Variants in STAC observed in about 807,000 individuals in gnomAD.
STAC encodes SH3 and cysteine-rich domain-containing protein.
In STAC, 43 loss-of-function variants were observed where a neutral mutation model predicts 48.8. The observed-to-expected ratio is 0.88, with a 90% CI of 0.69 to 1.14. The LOEUF is 1.14. STAC is among the 50% of genes most tolerant of loss of function. The pLI, the probability that STAC is intolerant of heterozygous loss-of-function variation, is 0.00. For missense variants in STAC, 497 were observed against 504.0 expected (o/e 0.99, Z 0.13); for synonymous variants, 193 against 179.5 (o/e 1.07, Z -0.60).
At chr3:36,480,203 C>T (rs73827541) in intron 2 of STAC, among the ~76,000 whole-genome samples, 4,739 of 152,156 alleles carry the variant, frequency 0.031, 221 homozygotes, top group African/African-American at 0.11. Flanking sequence ...AATTTGAAAA[C>T]GAAAAGTAAG....
chr3:36,470,023 C>A (rs944618935), intron 2 of STAC, among the ~76,000 whole-genome samples: 5 of 152,078 alleles, frequency 3.3e-5, no homozygotes, highest in African/African-American at 1.2e-4. Flanking sequence ...TTCTCTGGTG[C>A]CTCCTTGATT....
At chr3:36,537,889 G>A (rs1699235365) in intron 10 of STAC, among the ~76,000 whole-genome samples, 1 of 151,412 alleles carries the variant, frequency 6.6e-6, no homozygotes, top group South Asian at 2.1e-4. Flanking sequence ...TTAAATTGAT[G>A]CATAGTTTTA....
At chr3:36,429,753 T>C (rs1700650517) in intron 1 of STAC, among the ~76,000 whole-genome samples, 1 of 152,214 alleles carries the variant, frequency 6.6e-6, no homozygotes, top group Non-Finnish European at 1.5e-5. Context: ...AACATTGTTA[T>C]CTGTTTCACT....
intron 2 of STAC, among the ~76,000 whole-genome samples, chr3:36,451,381 C>T (rs1157168080): frequency 6.6e-6 from 1 of 152,122 alleles, no homozygotes; most frequent in African/African-American, 2.4e-5. Flanking sequence ...AACAGTATTT[C>T]TCCTTCCTGT....
chr3:36,391,590 T>G (rs2125616772), intron 1 of STAC, among the ~76,000 whole-genome samples: 1 of 152,316 alleles, frequency 6.6e-6, no homozygotes, highest in African/African-American at 2.4e-5. Flanking sequence ...GTTGTTAATT[T>G]GTTTTTTCTC....
Position 36,532,834 on chromosome 3 carries a change from TTG to T in STAC, c.1110+3851_1110+3852del, listed in dbSNP as rs200694146. On this transcript the variant is annotated intron_variant, in intron 10 of 10. Transcript: ENST00000273183. ...GAACAAATTAATACTGTCTTAAACA[TTG>T]TCACAATAATAATTGTTATAAGAAT... 3.8e-3 allele frequency among the ~76,000 whole-genome samples: 573 copies of T among 152,308 alleles called. 5 individuals are homozygous for T. The highest frequency in any genetic ancestry group is 0.013 in the African/African-American group (525 of 41,566).
intron 2 of STAC, among the ~76,000 whole-genome samples, chr3:36,474,202 C>G (rs537523103): frequency 6.6e-6 from 1 of 152,080 alleles, no homozygotes; most frequent in African/African-American, 2.4e-5. Context: ...CTATGAGACC[C>G]CATATGTAAC....
At chr3:36,485,517 A>C (rs1697781400) in intron 4 of STAC, among the ~76,000 whole-genome samples, 1 of 152,354 alleles carries the variant, frequency 6.6e-6, no homozygotes, top group Admixed American at 6.5e-5. Flanking sequence ...GTAGGAGCTC[A>C]GTGAATATAT....
At chr3:36,412,980 C>T (rs1001163866) in intron 1 of STAC, among the ~76,000 whole-genome samples, 5 of 152,068 alleles carry the variant, frequency 3.3e-5, no homozygotes, top group African/African-American at 1.2e-4. Flanking sequence ...TGTAGTTGAG[C>T]AGTTTTGAGT....
chr3:36,447,964 A>C (rs955989717), intron 2 of STAC, among the ~76,000 whole-genome samples: 1 of 152,118 alleles, frequency 6.6e-6, no homozygotes, highest in Non-Finnish European at 1.5e-5. Flanking sequence ...TTTCCATTTT[A>C]AAATGCAGCA....
chr3:36,510,859 T>C (rs1057222971), intron 8 of STAC, among the ~76,000 whole-genome samples: 5 of 152,060 alleles, frequency 3.3e-5, no homozygotes, highest in African/African-American at 1.2e-4. Flanking sequence ...CTAATGTAGA[T>C]GACGGGTTGA....
chr3:36,390,453 T>TTTTTTTTG (rs1699729146), intron 1 of STAC, among the ~76,000 whole-genome samples: 2 of 76,682 alleles, frequency 2.6e-5, no homozygotes, highest in African/African-American at 8.2e-5. Context: ...TTTCTTTTCT[T>TTTTTTTTG]TTTTTTTTTT....
At chr3:36,545,004 C>G (rs760414170) in intron 10 of STAC, among the ~76,000 whole-genome samples, 3 of 152,186 alleles carry the variant, frequency 2.0e-5, no homozygotes, top group Admixed American at 6.5e-5. Context: ...TATTCAAGCC[C>G]CTTCTTCTAC....
At chr3:36,492,023 AAAAAAAAAATATATATATAT>A (rs1385577736) in intron 5 of STAC, among the ~76,000 whole-genome samples, 1 of 25,002 alleles carries the variant, frequency 4.0e-5, no homozygotes, top group African/African-American at 1.0e-4. Context: ...AAAAAAAAAA[AAAAAAAAAATATATATATAT>A]ATATATATAT....
intron 1 of STAC, among the ~76,000 whole-genome samples, chr3:36,438,540 G>A (rs1696224487): frequency 6.6e-6 from 1 of 152,176 alleles, no homozygotes; most frequent in African/African-American, 2.4e-5. Context: ...TTGAGTTCAT[G>A]TCTGGGGCTT....
chr3:36,401,130 G>A lies in STAC; in HGVS notation c.111+20376G>A, dbSNP rs565352249. Among the ~76,000 whole-genome samples, 49 of 152,254 alleles carry A rather than the reference G, an allele frequency of 3.2e-4. No homozygotes were observed. The South Asian group carries it at 9.8e-3, about 30-fold the overall frequency. On this transcript the variant is annotated intron_variant, in intron 1 of 10. Coordinates refer to ENST00000273183, the MANE Select transcript of STAC (RefSeq NM_003149.3). ...ACTCAGGAGTCAAGCCTCTAAAAAT[G>A]TACCTATGTTTACATTTTGGAGTCA...
intron 1 of STAC, among the ~76,000 whole-genome samples, chr3:36,411,502 A>T (rs1434218106): frequency 6.6e-6 from 1 of 152,224 alleles, no homozygotes; most frequent in Non-Finnish European, 1.5e-5. Context: ...TGAGAAAATG[A>T]CCAGGATCAA....
At chr3:36,452,515 G>A (rs1304992112) in intron 2 of STAC, among the ~76,000 whole-genome samples, 1 of 152,118 alleles carries the variant, frequency 6.6e-6, no homozygotes, top group Admixed American at 6.5e-5. Context: ...CACTAAGCCC[G>A]GGACCTATTT....
intron 1 of STAC, among the ~76,000 whole-genome samples, chr3:36,387,929 C>G (rs540208331): frequency 1.3e-5 from 2 of 152,014 alleles, no homozygotes; most frequent in Non-Finnish European, 2.9e-5. Flanking sequence ...CCACAGTGGT[C>G]GCACAGTTTT....
Sources: allele counts gnomAD v4.1 joint callset (sites outside exome capture counted in the v4.1 genomes callset), GRCh38; gene constraint gnomAD v4.1.1; transcripts MANE v1.5; gene names NCBI Gene and HGNC (gene_info 2026-07-23, HGNC 2026-07-21).